TLR9: variants seen among roughly 807,000 people sequenced by gnomAD.
The protein encoded by TLR9 is toll-like receptor 9.
TLR9 carries 19 observed loss-of-function variants against 24.6 expected under a neutral mutation model. The observed-to-expected ratio is 0.77, with a 90% CI of 0.54 to 1.13. The LOEUF is 1.13. Among genes scored for constraint, TLR9 ranks in the 50% most tolerant of loss-of-function variants. The probability of loss-of-function intolerance (pLI) is 0.00; values close to 1 mark genes in which losing one functional copy is unlikely to be tolerated. For missense variants in TLR9, 1,065 were observed against 1,379.6 expected (o/e 0.77, Z 3.61); for synonymous variants, 579 against 609.8 (o/e 0.95, Z 0.74).
rs200206317 is a variant in TLR9 at position 52,224,038 on chromosome 3, T to C, written c.278A>G (p.Asn93Ser). 67 of 1,582,034 alleles carry C rather than the reference T, an allele frequency of 4.2e-5. No individual in the cohort carries two copies. The highest frequency in any genetic ancestry group is 5.6e-5 in the Non-Finnish European group (65 of 1,160,232). ...FAHLPSLRHL[N>S]LKWNCPPVGL... Reference sequence around the variant, plus strand: ...AACCGGCGGGCAGTTCCACTTGAGGTTGAGATGCCGCAGGCTGGGCAGGTG... The same window carrying C: ...AACCGGCGGGCAGTTCCACTTGAGGCTGAGATGCCGCAGGCTGGGCAGGTG... The change falls in exon 2 of 2, where the codon AAC becomes AGC. Residue 93 changes from asparagine (N) to serine (S), a missense_variant. Transcript: ENST00000360658.
rs1466784711 is a variant in TLR9, at chr3:52,222,275, C to A, written c.2041G>T (p.Val681Phe). Reference protein sequence around the residue: ...WSLHFLPKLEVLDLAGNQLKA... With the variant: ...WSLHFLPKLEFLDLAGNQLKA... ...AGCTGGTTTCCTGCCAGGTCGAGGA[C>A]TTCCAGTTTGGGCAGGAAGTGGAGG... The change falls in exon 2 of 2, where the codon GTC becomes TTC. Residue 681 changes from valine to phenylalanine, a missense_variant. Val to Phe is a conservative substitution (Grantham distance 50). Transcript: ENST00000360658. 4 of 1,614,062 alleles carry A rather than the reference C, an allele frequency of 2.5e-6. No homozygotes were observed. The highest frequency in any genetic ancestry group is 3.4e-6 in the Non-Finnish European group (4 of 1,180,044).
chr3:52,223,807 C>T lies in TLR9; in HGVS notation c.509G>A (p.Arg170His), dbSNP rs199767102. 60 of 1,600,416 alleles carry T rather than the reference C, an allele frequency of 3.7e-5. No individual in the cohort carries two copies. The highest frequency in any genetic ancestry group is 5.2e-5 in the Admixed American group (3 of 58,190). Residue 170 changes from arginine (R) to histidine (H), a missense_variant, in exon 2 of 2, where the codon CGC (arginine) becomes CAC (histidine). By Grantham distance (29) the Arg-to-His change is conservative. Coordinates refer to ENST00000360658, the MANE Select transcript of TLR9 (RefSeq NM_017442.4). ...ACAGTTGCCGTCCATGAATAGGAAG[C>T]GCAGGGCATGCAGGCCGGCGAGGCT... ...SASLAGLHALRFLFMDGNCYY... is the reference protein window; with the variant it reads ...SASLAGLHALHFLFMDGNCYY...
Position 52,224,134 on chromosome 3 carries a change from G to T in TLR9, c.182C>A (p.Pro61His). Residue 61 changes from proline to histidine, a missense_variant, in exon 2 of 2, where the codon CCC becomes CAC. Pro to His is a moderately conservative substitution (Grantham distance 77, BLOSUM62 -2). Coordinates refer to ENST00000360658, the MANE Select transcript of TLR9 (RefSeq NM_017442.4). ...KSVPHFSMAA[P>H]RGNVTSLSLS... is the part of the protein sequence containing the mutation. ...GGAAAGGCTGGTGACATTGCCACGG[G>T]GTGCTGCCATGGAGAAGTGGGGCAC... 6.3e-7 allele frequency: 1 copy of T among 1,580,426 alleles called. No homozygotes were observed. The highest frequency in any genetic ancestry group is 1.1e-5 in the South Asian group (1 of 87,306).
chr3:52,223,549 C>T lies in TLR9; in HGVS notation c.767G>A (p.Arg256His), dbSNP rs202089021. Residue 256 changes from arginine (R) to histidine (H), a missense_variant, in exon 2 of 2, where the codon CGC becomes CAC. Physicochemically the swap from Arg to His is conservative, Grantham distance 29. Coordinates refer to ENST00000360658, the MANE Select transcript of TLR9 (RefSeq NM_017442.4). ...LRVLDVGGNC[R>H]RCDHAPNPCM... ...GGGGTTGGGAGCGTGGTCGCAGCGG[C>T]GGCAATTTCCGCCCACATCGAGCAC... 3.9e-6 allele frequency: 6 copies of T among 1,534,400 alleles called. No homozygotes were observed. The highest frequency in any genetic ancestry group is 4.1e-5 in the Admixed American group (2 of 48,930).
In TLR9 at chr3:52,223,039, C is replaced by T. The variant is rs199611737; in HGVS notation, c.1277G>A (p.Arg426His). The change falls in exon 2 of 2, where the codon CGC becomes CAC. Residue 426 changes from arginine (R) to histidine (H), a missense_variant. By Grantham distance (29) the Arg-to-His change is conservative. Coordinates refer to ENST00000360658, the MANE Select transcript of TLR9 (RefSeq NM_017442.4). ...TGTCAGCTCCGAAGCTCCGCTGATG[C>T]GGTTGTCCGACAGGTCCACGTAGCG... ...GLRYVDLSDN[R>H]ISGASELTAT... 15 of 1,587,918 alleles carry T rather than the reference C, an allele frequency of 9.4e-6. No individual in the cohort carries two copies. The highest frequency in any genetic ancestry group is 1.2e-5 in the Non-Finnish European group (14 of 1,164,574).
At chr3:52,224,856 G>C (rs1346030966) in intron 1 of TLR9, among the ~76,000 whole-genome samples, 1 of 152,234 alleles carries the variant, frequency 6.6e-6, no homozygotes, top group Non-Finnish European at 1.5e-5. Context: ...ATCACTCTCT[G>C]CCTGCCTCAC....
rs1699572495 is a variant in TLR9 at position 52,222,518 on chromosome 3, G to A, written c.1798C>T (p.Leu600=). The change falls in exon 2 of 2, where the codon CTG becomes TTG. Residue 600 remains leucine (L), a synonymous_variant. Coordinates refer to ENST00000360658, the MANE Select transcript of TLR9 (RefSeq NM_017442.4). ...QVSQQLCSTS[L]RALDFSGNAL... ...TTGCCGCTGAAGTCCAGGGCCCGCAGCGACGTACTGCAGAGCTGCTGGGAC... is the reference window on the plus strand; with the variant it reads ...TTGCCGCTGAAGTCCAGGGCCCGCAACGACGTACTGCAGAGCTGCTGGGAC... 6.2e-7 allele frequency: 1 copy of A among 1,614,228 alleles called. No homozygotes were observed. Among genetic ancestry groups the A allele is most frequent in the South Asian group, 1.1e-5 (1 of 91,090 alleles).
rs1461867217 is a variant in TLR9, at chr3:52,224,109, G to A, written c.207C>T (p.Ser69=). The A allele has an allele frequency of 6.4e-7, 1 of 1,569,360 alleles. No homozygotes were observed. The highest frequency in any genetic ancestry group is 8.7e-7 in the Non-Finnish European group (1 of 1,152,602). ...GGTGGTGGATGCGGTTGGAGGACAA[G>A]GAAAGGCTGGTGACATTGCCACGGG... ...AAPRGNVTSL[S]LSSNRIHHLH... Residue 69 remains serine, a synonymous_variant, in exon 2 of 2, where the codon TCC becomes TCT. Coordinates refer to ENST00000360658, the MANE Select transcript of TLR9 (RefSeq NM_017442.4).
Position 52,223,628 on chromosome 3 carries a change from T to C in TLR9, c.688A>G (p.Asn230Asp), listed in dbSNP as rs746846564. The C allele has an allele frequency of 1.3e-6, 2 of 1,567,142 alleles. No individual in the cohort carries two copies. Among genetic ancestry groups the C allele is most frequent in the East Asian group, 4.5e-5 (2 of 44,434 alleles). Residue 230 changes from asparagine (N) to aspartate (D), a missense_variant, in exon 2 of 2, where the codon AAC becomes GAC. Physicochemically the swap from Asn to Asp is conservative, Grantham distance 23. Coordinates refer to ENST00000360658, the MANE Select transcript of TLR9 (RefSeq NM_017442.4). ...SSLEYLLLSY[N>D]RIVKLAPEDL... ...TCAGGCGCCAGTTTGACGATGCGGT[T>C]GTAGGACAACAGCAGATACTCCAGG...
chr3:52,223,024 G>A lies in TLR9; in HGVS notation c.1292C>T (p.Ser431Leu), dbSNP rs368350972. 2.1e-5 allele frequency: 33 copies of A among 1,586,956 alleles called. No homozygotes were observed. The highest frequency in any genetic ancestry group is 5.7e-5 in the South Asian group (5 of 87,296). Residue 431 changes from serine (S) to leucine (L), a missense_variant, in exon 2 of 2, where the codon TCG (serine) becomes TTG (leucine). By Grantham distance (145) the Ser-to-Leu change is moderately radical (BLOSUM62 -2). Transcript: ENST00000360658. ...DLSDNRISGA[S>L]ELTATMGEAD... The stretch of plus-strand genomic sequence containing the variant: ...CTCCCCCATGGTGGCTGTCAGCTCC[G>A]AAGCTCCGCTGATGCGGTTGTCCGA...
Position 52,223,854 on chromosome 3 carries a change from G to A in TLR9, c.462C>T (p.Asn154=), listed in dbSNP as rs780014692. ...SLISLSLSHT[N]ILMLDSASLA... ...GGCTGGCAGAGTCTAGCATCAGGAT[G>A]TTGGTATGGCTGAGGGACAGGGATA... Residue 154 remains asparagine, a synonymous_variant, in exon 2 of 2, where the codon AAC becomes AAT. Transcript: ENST00000360658. 1 of 1,612,552 alleles carries A rather than the reference G, an allele frequency of 6.2e-7. No homozygotes were observed. Among genetic ancestry groups the A allele is most frequent in the Non-Finnish European group, 8.5e-7 (1 of 1,179,120 alleles).
At position 52,221,826 on chromosome 3, in the gene TLR9, C is replaced by T. The variant is rs372418469; in HGVS notation, c.2490G>A (p.Leu830=). 3 of 1,613,972 alleles carry T rather than the reference C, an allele frequency of 1.9e-6. No individual in the cohort carries two copies. The Admixed American group carries it at 5.0e-5, about 27-fold the overall frequency. The change falls in exon 2 of 2, where the codon CTG becomes CTA. Residue 830 remains leucine, a synonymous_variant. Coordinates refer to ENST00000360658, the MANE Select transcript of TLR9 (RefSeq NM_017442.4). This position sits in a 1 kb window ranked among gnomAD's most constrained non-coding sequence, Gnocchi z 9.9. ...AGAGGTGATGCAGCATGGGCACACC[C>T]AGGCCCAGAGCCACAGCCAGCAGCG... ...ALSLLAVALG[L]GVPMLHHLCG...
chr3:52,223,315 G>A lies in TLR9; in HGVS notation c.1001C>T (p.Thr334Ile). 6.2e-7 allele frequency: 1 copy of A among 1,614,130 alleles called. No individual in the cohort carries two copies. The highest frequency in any genetic ancestry group is 1.7e-5 in the Admixed American group (1 of 60,012). ...GGACAGGTTAAGCTTGCGCAGCTGT[G>A]TTAGGCCCTGGAAGGCCTTGGTTTT... ...ITKTKAFQGL[T>I]QLRKLNLSFN... is the part of the protein sequence containing the mutation. The change falls in exon 2 of 2, where the codon ACA (threonine) becomes ATA (isoleucine). Residue 334 changes from threonine (T) to isoleucine (I), a missense_variant. Thr to Ile is a moderately conservative substitution (Grantham distance 89). Coordinates refer to ENST00000360658, the MANE Select transcript of TLR9 (RefSeq NM_017442.4).
Position 52,225,567 on chromosome 3 carries a change from C to G in TLR9, c.-38G>C. The G allele has an allele frequency of 1.3e-6, 2 of 1,572,404 alleles. No individual in the cohort carries two copies. The highest frequency in any genetic ancestry group is 1.7e-6 in the Non-Finnish European group (2 of 1,165,352). ...GGGCTTCTCCAGAGGGTCTGGCGGG[C>G]AGACTGGACAGCAGCTACAGGGAAG... On this transcript the variant is annotated 5_prime_UTR_variant, in exon 1 of 2. Coordinates refer to ENST00000360658, the MANE Select transcript of TLR9 (RefSeq NM_017442.4).
Position 52,221,322 on chromosome 3 carries a change from C to T in TLR9, c.2994G>A (p.Gln998=). 1.3e-6 allele frequency: 2 copies of T among 1,566,686 alleles called. No homozygotes were observed. The highest frequency in any genetic ancestry group is 2.4e-5 in the South Asian group (2 of 84,448). ...CCCAGAAGCTGCGCTGACCACTGGG[C>T]TGGTGGGGCCAGAGGAGGACACTCT... ...CRQSVLLWPH[Q]PSGQRSFWAQ... The change falls in exon 2 of 2, where the codon CAG becomes CAA. Residue 998 remains glutamine, a synonymous_variant. Transcript: ENST00000360658. This position sits in a 1 kb window ranked among gnomAD's most constrained non-coding sequence, Gnocchi z 9.9.
chr3:52,221,986 A>G lies in TLR9; in HGVS notation c.2330T>C (p.Val777Ala). The change falls in exon 2 of 2, where the codon GTG becomes GCG. Residue 777 changes from valine to alanine, a missense_variant. By Grantham distance (64) the Val-to-Ala change is moderately conservative. Transcript: ENST00000360658. The surrounding 1 kb of genome is among the most constrained non-coding windows in gnomAD (Gnocchi z 9.9). The part of the protein sequence containing the change: ...GAAFMDFLLE[V>A]QAAVPGLPSR... ...GGGCAGACCGGGCACGGCAGCCTGC[A>G]CCTCCAGCAGGAAGTCCATAAAGGC... 1 of 1,607,170 alleles carries G rather than the reference A, an allele frequency of 6.2e-7. No individual in the cohort carries two copies. Among genetic ancestry groups the G allele is most frequent in the South Asian group, 1.1e-5 (1 of 90,452 alleles).
In TLR9 at chr3:52,223,006, A is replaced by G. The variant is rs1268506008; in HGVS notation, c.1310T>C (p.Met437Thr). 2 of 1,589,418 alleles carry G rather than the reference A, an allele frequency of 1.3e-6. No individual in the cohort carries two copies. The highest frequency in any genetic ancestry group is 1.7e-6 in the Non-Finnish European group (2 of 1,166,038). The change falls in exon 2 of 2, where the codon ATG becomes ACG. Residue 437 changes from methionine (M) to threonine (T), a missense_variant. Transcript: ENST00000360658. The part of the protein sequence containing the change: ...ISGASELTAT[M>T]GEADGGEKVW... ...CTTCTCCCCTCCATCTGCCTCCCCC[A>G]TGGTGGCTGTCAGCTCCGAAGCTCC...
In TLR9 at chr3:52,223,223, C is replaced by T. The variant is rs373946909; in HGVS notation, c.1093G>A (p.Ala365Thr). 2.1e-5 allele frequency: 34 copies of T among 1,613,726 alleles called. No individual in the cohort carries two copies. The African/African-American group carries it at 3.2e-4, about 15-fold the overall frequency. ...SLAPSFGSLV[A>T]LKELDMHGIF... ...CCGTGCATGTCCAGCTCCTTCAGGGCGACCAGGCTCCCGAAGGAAGGGGCC... is the reference window on the plus strand; with the variant it reads ...CCGTGCATGTCCAGCTCCTTCAGGGTGACCAGGCTCCCGAAGGAAGGGGCC... The change falls in exon 2 of 2, where the codon GCC becomes ACC. Residue 365 changes from alanine to threonine, a missense_variant. By Grantham distance (58) the Ala-to-Thr change is moderately conservative (BLOSUM62 0). Coordinates refer to ENST00000360658, the MANE Select transcript of TLR9 (RefSeq NM_017442.4).
At position 52,223,815 on chromosome 3, in the gene TLR9, A is replaced by G. The variant is rs1421307312; in HGVS notation, c.501T>C (p.His167=). ...CGTCCATGAATAGGAAGCGCAGGGC[A>G]TGCAGGCCGGCGAGGCTGGCAGAGT... ...MLDSASLAGL[H]ALRFLFMDGN... The change falls in exon 2 of 2, where the codon CAT becomes CAC. Residue 167 remains histidine, a synonymous_variant. Transcript: ENST00000360658. The G allele has an allele frequency of 6.2e-7, 1 of 1,606,410 alleles. No homozygotes were observed. The highest frequency in any genetic ancestry group is 8.5e-7 in the Non-Finnish European group (1 of 1,175,802).
Sources: allele counts gnomAD v4.1 joint callset (sites outside exome capture counted in the v4.1 genomes callset), GRCh38; gene constraint gnomAD v4.1.1; non-coding constraint Gnocchi (gnomAD v3.1); transcripts MANE v1.5; gene names NCBI Gene and HGNC (gene_info 2026-07-23, HGNC 2026-07-21).